PCDHGA10: variants seen among roughly 807,000 people sequenced by gnomAD.
PCDHGA10 encodes the protein protocadherin gamma subfamily A, 10.
A neutral mutation model predicts 59.5 loss-of-function variants in PCDHGA10; 42 were observed. The ratio of observed to expected loss-of-function variants is 0.71; its 90% confidence interval spans 0.55 to 0.91. PCDHGA10 has a LOEUF of 0.91. Ranked by LOEUF, PCDHGA10 falls within the 40% of genes least tolerant of loss-of-function variation. PCDHGA10 has a pLI of 0.00. For missense variants in PCDHGA10, 1,111 were observed against 1,198.2 expected (o/e 0.93, Z 1.07); for synonymous variants, 511 against 517.2 (o/e 0.99, Z 0.16).
rs1329834276 is a variant in PCDHGA10 at position 141,415,232 on chromosome 5, C to G, written c.2057C>G (p.Ala686Gly). Residue 686 changes from alanine (A) to glycine (G), a missense_variant, in exon 1 of 4, where the codon GCT becomes GGT. By Grantham distance (60) the Ala-to-Gly change is moderately conservative (BLOSUM62 0). Transcript: ENST00000398610. ...GACCTCGGCAGCTTCGAGTCTCCAG[C>G]TAACTCTGAAACCTCAGACCTCACT... Reference protein sequence around the residue: ...LADLGSFESPANSETSDLTLY... With the variant: ...LADLGSFESPGNSETSDLTLY... 5 of 1,614,076 alleles carry G rather than the reference C, an allele frequency of 3.1e-6. No homozygotes were observed. Among genetic ancestry groups the G allele is most frequent in the Non-Finnish European group, 4.2e-6 (5 of 1,180,048 alleles).
At chr5:141,416,186 T>G (rs904230611) in intron 1 of PCDHGA10, 2 of 152,474 alleles carry the variant, frequency 1.3e-5, no homozygotes, top group African/African-American at 4.8e-5. Flanking sequence ...TTCATTAATA[T>G]TGAATTAACA....
chr5:141,419,644 CG>C (rs1418985518), intron 1 of PCDHGA10: 2 of 1,612,396 alleles, frequency 1.2e-6, no homozygotes, highest in Non-Finnish European at 1.7e-6. Flanking sequence ...TGGCCGTGGA[CG>C]CGGACTCGGG....
At chr5:141,474,252 A>T (rs1381172188) in intron 1 of PCDHGA10, among the ~76,000 whole-genome samples, 1 of 152,200 alleles carries the variant, frequency 6.6e-6, no homozygotes, top group Non-Finnish European at 1.5e-5. Flanking sequence ...GGAAAAAAAG[A>T]CTGATAAACC....
In PCDHGA10 at chr5:141,487,160, G is replaced by A. The variant is rs1188929436; in HGVS notation, c.2437-7647G>A. 5.0e-6 allele frequency: 8 copies of A among 1,613,830 alleles called. No homozygotes were observed. The highest frequency in any genetic ancestry group is 5.1e-6 in the Non-Finnish European group (6 of 1,179,840). ...ACTCTCTACCTCTGTTACTCTCTTA[G>A]TGTCCTTAGAGGAAGACACTCATCC... On this transcript the variant is annotated intron_variant, in intron 1 of 3. Transcript: ENST00000398610. The surrounding 1 kb of genome is among the most constrained non-coding windows in gnomAD (Gnocchi z 5.0).
At chr5:141,427,146 AAT>A (rs1561826638) in intron 1 of PCDHGA10, 1 of 456,990 alleles carries the variant, frequency 2.2e-6, no homozygotes, top group Non-Finnish European at 4.4e-6. Context: ...TGATATTGGA[AAT>A]ATGTTTGTGC....
At position 141,429,387 on chromosome 5, in the gene PCDHGA10, TAAAAA is replaced by T. The variant is rs11410533; in HGVS notation, c.2436+13780_2436+13784del. On this transcript the variant is annotated intron_variant, in intron 1 of 3. Transcript: ENST00000398610. ...AAATGGAGAAAATGTGTTTTTTTTT[TAAAAA>T]AAATTGAGATTAAGGTCTCATTATG... 8.8e-4 allele frequency among the ~76,000 whole-genome samples: 134 copies of T among 151,448 alleles called. 1 individual carries two copies. Among genetic ancestry groups the T allele is most frequent in the Non-Finnish European group, 1.5e-3 (103 of 67,818 alleles).
intron 1 of PCDHGA10, among the ~76,000 whole-genome samples, chr5:141,470,483 G>T (rs1163257164): frequency 6.6e-6 from 1 of 152,112 alleles, no homozygotes; most frequent in African/African-American, 2.4e-5. Context: ...CTAACCCTCT[G>T]GGAATAATAT....
At chr5:141,458,090 G>C (rs1306631184) in intron 1 of PCDHGA10, among the ~76,000 whole-genome samples, 2 of 152,234 alleles carry the variant, frequency 1.3e-5, no homozygotes, top group Non-Finnish European at 1.5e-5. Context: ...CGTAAGTTAA[G>C]AGTACTTACA....
chr5:141,415,507 A>G lies in PCDHGA10; in HGVS notation c.2332A>G (p.Asn778Asp). 6.2e-7 allele frequency: 1 copy of G among 1,614,156 alleles called. No individual in the cohort carries two copies. Among genetic ancestry groups the G allele is most frequent in the Admixed American group, 1.7e-5 (1 of 60,024 alleles). ...RKSHLIFPQPNYADTLISQES... is the reference protein window; with the variant it reads ...RKSHLIFPQPDYADTLISQES... ...GAGTCACCTGATCTTCCCCCAGCCC[A>G]ATTATGCGGACACGCTCATCAGCCA... The change falls in exon 1 of 4, where the codon AAT (asparagine) becomes GAT (aspartate). Residue 778 changes from asparagine to aspartate, a missense_variant. Coordinates refer to ENST00000398610, the MANE Select transcript of PCDHGA10 (RefSeq NM_018913.3).
At chr5:141,472,884 G>A (rs1426207609) in intron 1 of PCDHGA10, among the ~76,000 whole-genome samples, 2 of 151,610 alleles carry the variant, frequency 1.3e-5, no homozygotes, top group African/African-American at 4.8e-5. Flanking sequence ...TACTCGGGAG[G>A]CTGAGGCAGG....
Position 141,432,038 on chromosome 5 carries a change from C to A in PCDHGA10, c.2436+16427C>A. On this transcript the variant is annotated intron_variant, in intron 1 of 3. Transcript: ENST00000398610. The surrounding 1 kb of genome is among the most constrained non-coding windows in gnomAD (Gnocchi z 6.0). ...CAACATCACAGTGACCGCCACTGAC[C>A]GGGGAACCCCGCCCCTATCCACGGA... 1 of 1,614,190 alleles carries A rather than the reference C, an allele frequency of 6.2e-7. No homozygotes were observed. The highest frequency in any genetic ancestry group is 1.1e-5 in the South Asian group (1 of 91,072).
At chr5:141,453,552 A>G (rs1005017830) in intron 1 of PCDHGA10, among the ~76,000 whole-genome samples, 2 of 152,188 alleles carry the variant, frequency 1.3e-5, no homozygotes, top group Non-Finnish European at 2.9e-5. Flanking sequence ...CACACTCTGT[A>G]GATAATCGAT....
Position 141,414,642 on chromosome 5 carries a change from C to A in PCDHGA10, c.1467C>A (p.Ala489=), listed in dbSNP as rs547014431. The change falls in exon 1 of 4, where the codon GCC becomes GCA. Residue 489 remains alanine, a synonymous_variant. Transcript: ENST00000398610. The part of the protein sequence containing the change: ...TALDPDSKEN[A]QIIYSLAEDT... ...TGGACCCGGACAGCAAAGAGAATGC[C>A]CAGATTATTTACTCCCTGGCTGAAG... The A allele has an allele frequency of 6.2e-7, 1 of 1,613,962 alleles. No individual in the cohort carries two copies. Among genetic ancestry groups the A allele is most frequent in the Admixed American group, 1.7e-5 (1 of 60,030 alleles).
chr5:141,450,948 C>T (rs1250110393), intron 1 of PCDHGA10, among the ~76,000 whole-genome samples: 2 of 151,870 alleles, frequency 1.3e-5, no homozygotes, highest in East Asian at 3.9e-4. Flanking sequence ...CCTCAGCCTC[C>T]CAAGTAGCTG....
chr5:141,491,560 T>C lies in PCDHGA10; in HGVS notation c.2437-3247T>C. 1 of 1,613,986 alleles carries C rather than the reference T, an allele frequency of 6.2e-7. No homozygotes were observed. Among genetic ancestry groups the C allele is most frequent in the Non-Finnish European group, 8.5e-7 (1 of 1,180,026 alleles). ...GCCCACAGACTCGCAGAGCCACTGCTACAGGACGTGCTTTTCACCGGCCTC... is the reference window on the plus strand; with the variant it reads ...GCCCACAGACTCGCAGAGCCACTGCCACAGGACGTGCTTTTCACCGGCCTC... On this transcript the variant is annotated intron_variant, in intron 1 of 3. Coordinates refer to ENST00000398610, the MANE Select transcript of PCDHGA10 (RefSeq NM_018913.3). This position sits in a 1 kb window ranked among gnomAD's most constrained non-coding sequence, Gnocchi z 6.9.
At chr5:141,433,693 C>T (rs772152724) in intron 1 of PCDHGA10, among the ~76,000 whole-genome samples, 2 of 151,986 alleles carry the variant, frequency 1.3e-5, no homozygotes, top group Admixed American at 6.6e-5. Flanking sequence ...CAAAATTAGC[C>T]GGGCGTGGTG....
At position 141,431,031 on chromosome 5, in the gene PCDHGA10, A is replaced by C; in HGVS notation, c.2436+15420A>C. Reference sequence around the variant, plus strand: ...AGCTTGGTCACGGCGGGCAGGATAGACCGGGAGGAGCTCTGTATGGGGGCC... The same window carrying C: ...AGCTTGGTCACGGCGGGCAGGATAGCCCGGGAGGAGCTCTGTATGGGGGCC... On this transcript the variant is annotated intron_variant, in intron 1 of 3. Coordinates refer to ENST00000398610, the MANE Select transcript of PCDHGA10 (RefSeq NM_018913.3). This position sits in a 1 kb window ranked among gnomAD's most constrained non-coding sequence, Gnocchi z 4.8. 1 of 1,614,036 alleles carries C rather than the reference A, an allele frequency of 6.2e-7. No homozygotes were observed. The highest frequency in any genetic ancestry group is 8.5e-7 in the Non-Finnish European group (1 of 1,180,000).
intron 1 of PCDHGA10, chr5:141,426,513 C>T (rs780618436): frequency 6.2e-5 from 21 of 341,148 alleles, no homozygotes; most frequent in Non-Finnish European, 1.1e-4. Context: ...AATACTTTAC[C>T]GTGAACACGG....
chr5:141,422,519 C>G, intron 1 of PCDHGA10: 1 of 1,613,968 alleles, frequency 6.2e-7, no homozygotes, highest in Non-Finnish European at 8.5e-7. Flanking sequence ...CAGGGAAGCC[C>G]GCCTTTGTCT....
Sources: gnomAD v4.1 joint callset for allele counts (sites outside exome capture counted in the v4.1 genomes callset) on GRCh38, gnomAD v4.1.1 for gene constraint, Gnocchi (gnomAD v3.1) non-coding constraint, MANE v1.5 for transcripts, NCBI Gene and HGNC (gene_info 2026-07-23, HGNC 2026-07-21) for gene names.